CASP10: variants seen among roughly 807,000 people sequenced by gnomAD.
The protein encoded by CASP10 is caspase 10, also known as caspase-10.
In CASP10, 41 loss-of-function variants were observed where a neutral mutation model predicts 48.5. The observed-to-expected ratio is 0.85, with a 90% CI of 0.66 to 1.10. The LOEUF (loss-of-function observed/expected upper bound fraction) is 1.10, where lower values mean the gene tolerates loss of function less well. Among genes scored for constraint, CASP10 ranks in the 50% least tolerant of loss-of-function variants. The pLI is 0.00. For synonymous variants in CASP10, 232 were observed against 238.4 expected, an observed-to-expected ratio of 0.97 and a Z score of 0.25; for missense variants, 614 against 614.5, an observed-to-expected ratio of 1.00 and a Z score of 0.01.
At chr2:201,223,576 A>G (rs1294286285), downstream of CASP10, among the ~76,000 whole-genome samples, 1 of 152,196 alleles carries the variant, frequency 6.6e-6, no homozygotes, top group East Asian at 1.9e-4. Context: ...CTTAGAAACT[A>G]TTTAAAACCA....
rs539822740 is a variant in CASP10, at chr2:201,203,339, C to T, written c.685-391C>T. On this transcript the variant is annotated intron_variant, in intron 5 of 9. Transcript: ENST00000286186. ...TTTTTTTTTTTGAGACAGAGTCTTG[C>T]TCTGTCACCCAGGCTGGAGTGCAGT... Among the ~76,000 whole-genome samples the T allele has an allele frequency of 7.5e-5, 11 of 147,430 alleles. No individual in the cohort carries two copies. The East Asian group carries it at 2.2e-3, about 29-fold the overall frequency.
chr2:201,217,240 G>A (rs1005483815), intron 9 of CASP10, among the ~76,000 whole-genome samples: 1 of 152,102 alleles, frequency 6.6e-6, no homozygotes, highest in African/African-American at 2.4e-5. Context: ...TCTAAGACCT[G>A]GTGTGTGGTT....
chr2:201,220,171 C>G lies in CASP10; in HGVS notation c.*2430C>G. Reference sequence around the variant, plus strand: ...GAATGTCTAATCTATATTGACAGGGCAGGAACACCGTCATCTTAGACAAAC... The same window carrying G: ...GAATGTCTAATCTATATTGACAGGGGAGGAACACCGTCATCTTAGACAAAC... On this transcript the variant is annotated 3_prime_UTR_variant, in exon 10 of 10. Coordinates refer to ENST00000286186, the MANE Select transcript of CASP10 (RefSeq NM_032977.4). 2.0e-6 allele frequency: 2 copies of G among 983,554 alleles called. No individual in the cohort carries two copies. The highest frequency in any genetic ancestry group is 2.4e-6 in the Non-Finnish European group (2 of 828,234). The allele number at this position is 983,554 out of a possible 1,614,324, so 60.9% of individuals were successfully genotyped here.
At chr2:201,205,854 T>C (rs771461842) in intron 6 of CASP10, 28 bp from the exon 7 acceptor site, 3 of 1,303,082 alleles carry the variant, frequency 2.3e-6, no homozygotes, top group East Asian at 4.6e-5. Flanking sequence ...GGGGAAGATA[T>C]TTGGAGTCTG....
intron 5 of CASP10, 168 bp downstream of exon 5, chr2:201,196,116 G>A (rs1944789117): frequency 1.7e-6 from 1 of 588,358 alleles, no homozygotes. Flanking sequence ...ATCAACCAGA[G>A]TGCACATTTT....
Position 201,219,492 on chromosome 2 carries a change from C to A in CASP10, c.*1751C>A. 1 of 985,454 alleles carries A rather than the reference C, an allele frequency of 1.0e-6. No homozygotes were observed. The highest frequency in any genetic ancestry group is 1.2e-6 in the Non-Finnish European group (1 of 829,964). The allele number at this position is 985,454 out of a possible 1,614,324, so 61.0% of individuals were successfully genotyped here. On this transcript the variant is annotated 3_prime_UTR_variant, in exon 10 of 10. Coordinates refer to ENST00000286186, the MANE Select transcript of CASP10 (RefSeq NM_032977.4). ...CAGGGCTGGCAGATGCAGTAGACTG[C>A]AGTGGACAGTCCCCACCTTGTTACT...
At chr2:201,195,713 C>G (rs902586245) in intron 4 of CASP10, 129 bp from the exon 5 acceptor site, 25 of 746,090 alleles carry the variant, frequency 3.4e-5, no homozygotes, top group Admixed American at 9.0e-5. Context: ...GACTCCTACT[C>G]TGTCCCCAGG....
At chr2:201,187,864 G>A (rs1458322195) in intron 3 of CASP10, 65 bp downstream of exon 3, 2 of 1,217,624 alleles carry the variant, frequency 1.6e-6, no homozygotes, top group East Asian at 2.3e-5. Flanking sequence ...GAAAGATGCT[G>A]GAAAGGGTTT....
chr2:201,205,751 A>G (rs985441120), intron 6 of CASP10, 131 bp from the exon 7 acceptor site: 18 of 702,962 alleles, frequency 2.6e-5, no homozygotes, highest in African/African-American at 2.3e-4. Context: ...CAGGAAGGGC[A>G]TGGTGGCTGA....
rs1277938751 is a variant in CASP10, at chr2:201,205,966, G to A, written c.806G>A (p.Ser269Asn). 3 of 1,606,618 alleles carry A rather than the reference G, an allele frequency of 1.9e-6. No individual in the cohort carries two copies. The highest frequency in any genetic ancestry group is 1.7e-6 in the Non-Finnish European group (2 of 1,173,318). Residue 269 changes from serine to asparagine, a missense_variant, in exon 7 of 10, where the codon AGC becomes AAC. Transcript: ENST00000286186. ...ASANTLNSET[S>N]TKRAAVYRMN... ...GCTAACACTCTAAACTCTGAAACCA[G>A]CACAAAGGTCTGGATGGTTTCTTTT...
At chr2:201,207,749 G>A (rs1559307699) in intron 7 of CASP10, among the ~76,000 whole-genome samples, 3 of 150,236 alleles carry the variant, frequency 2.0e-5, no homozygotes. Flanking sequence ...AGAGCGAGAT[G>A]CTGTCTCAAA....
At chr2:201,216,585 G>A (rs535988217) in intron 9 of CASP10, among the ~76,000 whole-genome samples, 2 of 152,236 alleles carry the variant, frequency 1.3e-5, no homozygotes, top group Non-Finnish European at 2.9e-5. Context: ...AATAGTGATA[G>A]TTAAGGATGA....
chr2:201,189,751 A>G (rs915258600), intron 3 of CASP10, among the ~76,000 whole-genome samples: 6 of 152,188 alleles, frequency 3.9e-5, no homozygotes, highest in Admixed American at 6.5e-5. Flanking sequence ...TAATCCCAGC[A>G]CTTTGGGAGT....
intron 6 of CASP10, 33 bp from the exon 7 acceptor site, chr2:201,205,849 A>C: frequency 1.6e-6 from 2 of 1,216,180 alleles, no homozygotes; most frequent in Non-Finnish European, 1.2e-6. Context: ...TGCTTGGGGA[A>C]GATATTTGGA....
intron 6 of CASP10, among the ~76,000 whole-genome samples, chr2:201,205,154 C>T (rs923431371): frequency 2.0e-5 from 3 of 152,116 alleles, no homozygotes; most frequent in African/African-American, 7.2e-5. Context: ...AGGAACACTT[C>T]AAAGCAGTGT....
intron 6 of CASP10, among the ~76,000 whole-genome samples, chr2:201,204,635 C>T (rs961031420): frequency 5.9e-5 from 9 of 152,092 alleles, no homozygotes; most frequent in African/African-American, 1.9e-4. Context: ...TAAAAGGCAC[C>T]GCAGCTAAAA....
At chr2:201,186,265 C>T in intron 2 of CASP10, 141 bp downstream of exon 2, 2 of 695,670 alleles carry the variant, frequency 2.9e-6, no homozygotes, top group African/African-American at 1.8e-5. Context: ...TCTAAACCTC[C>T]TTCTCAGCCT....
Position 201,208,331 on chromosome 2 carries a change from G to T in CASP10, c.922+148G>T, listed in dbSNP as rs1013074144. ...TGAGCCTCTTATATATCCCTGGGGAGTCATCAGTCTGCTAAAGAGTGGCAA... is the reference window on the plus strand; with the variant it reads ...TGAGCCTCTTATATATCCCTGGGGATTCATCAGTCTGCTAAAGAGTGGCAA... On this transcript the variant is annotated intron_variant, in intron 8 of 9. Transcript: ENST00000286186. 5.0e-6 allele frequency: 7 copies of T among 1,412,738 alleles called. No homozygotes were observed. In the African/African-American group the frequency reaches 8.7e-5, roughly 18 times the overall value. 87.5% of individuals were successfully genotyped at this position (1,412,738 alleles called of 1,614,324 possible).
intron 5 of CASP10, chr2:201,200,332 A>G: frequency 4.2e-6 from 4 of 951,364 alleles, no homozygotes; most frequent in Non-Finnish European, 6.5e-6. Flanking sequence ...GTGATCCAGC[A>G]TTTACTATGT....
Sources: gnomAD v4.1 joint callset for allele counts (sites outside exome capture counted in the v4.1 genomes callset) on GRCh38, gnomAD v4.1.1 for gene constraint, MANE v1.5 for transcripts, NCBI Gene and HGNC (gene_info 2026-07-23, HGNC 2026-07-21) for gene names.